The following GAREM1 variants were observed in gnomAD, a reference collection of about 807,000 sequenced individuals.
The protein encoded by GAREM1 is GRB2 associated regulator of MAPK1 subtype 1.
In GAREM1, 26 loss-of-function variants were observed where a neutral mutation model predicts 71.3. That is an observed-to-expected ratio of 0.36 (90% CI 0.27 to 0.51). The LOEUF is 0.51. Among genes scored for constraint, GAREM1 ranks in the 20% least tolerant of loss-of-function variants. GAREM1 has a pLI of 0.95. For missense variants in GAREM1, 1,026 were observed against 1,103.1 expected, an observed-to-expected ratio of 0.93 and a Z score of 0.99; for synonymous variants, 440 against 433.2, an observed-to-expected ratio of 1.02 and a Z score of -0.20.
intron 2 of GAREM1, among the ~76,000 whole-genome samples, chr18:32,340,207 T>C (rs1390650133): frequency 3.3e-5 from 5 of 152,246 alleles, no homozygotes; most frequent in Non-Finnish European, 5.9e-5. Context: ...CTGAGGGCTA[T>C]AATGATGAGC....
At chr18:32,358,356 T>C (rs1162073201) in intron 2 of GAREM1, among the ~76,000 whole-genome samples, 1 of 151,730 alleles carries the variant, frequency 6.6e-6, no homozygotes, top group Non-Finnish European at 1.5e-5. Flanking sequence ...GGGCTTCAGG[T>C]TGTCAAAAGG....
chr18:32,372,827 A>G (rs2047996296), intron 2 of GAREM1, among the ~76,000 whole-genome samples: 1 of 152,226 alleles, frequency 6.6e-6, no homozygotes, highest in African/African-American at 2.4e-5. Flanking sequence ...TGGCCCACAA[A>G]TACTTCCGGA....
At chr18:32,281,093 A>C (rs531320042) in intron 4 of GAREM1, among the ~76,000 whole-genome samples, 19 of 152,332 alleles carry the variant, frequency 1.2e-4, no homozygotes, top group Non-Finnish European at 2.8e-4. Context: ...ACAGTACAAA[A>C]ATGCAGTGAA....
chr18:32,267,791 A>C lies in GAREM1; in HGVS notation c.*80T>G, dbSNP rs756823650. The C allele has an allele frequency of 6.3e-5, 75 of 1,186,166 alleles. No individual in the cohort carries two copies. The highest frequency in any genetic ancestry group is 8.5e-5 in the Non-Finnish European group (71 of 839,296). 73.5% of individuals were successfully genotyped at this position (1,186,166 alleles called of 1,614,324 possible). A position where few individuals can be genotyped will look rare whatever the true frequency, so the allele number is the denominator to read the frequency against. On this transcript the variant is annotated 3_prime_UTR_variant, in exon 6 of 6. Transcript: ENST00000269209. ...TACAGAGAAGGTTTTTAGTGCAAAA[A>C]CATGAAATTGTGTCCCAGCCCACCC...
chr18:32,392,641 C>T (rs1248202080), intron 2 of GAREM1, among the ~76,000 whole-genome samples: 3 of 152,118 alleles, frequency 2.0e-5, no homozygotes, highest in East Asian at 3.8e-4. Context: ...AATTCCAAGA[C>T]AATAGAGGTG....
At chr18:32,372,846 C>CAGG (rs1159182966) in intron 2 of GAREM1, among the ~76,000 whole-genome samples, 1 of 152,176 alleles carries the variant, frequency 6.6e-6, no homozygotes, top group Non-Finnish European at 1.5e-5. Context: ...GAAAACAGAA[C>CAGG]AGGACATGGG....
At chr18:32,349,903 C>T (rs2047730999) in intron 2 of GAREM1, among the ~76,000 whole-genome samples, 1 of 152,144 alleles carries the variant, frequency 6.6e-6, no homozygotes, top group Admixed American at 6.5e-5. Flanking sequence ...TGCTCGAGTC[C>T]AGGGAATGTG....
intron 3 of GAREM1, among the ~76,000 whole-genome samples, chr18:32,293,508 C>T (rs2047108243): frequency 6.6e-6 from 1 of 152,134 alleles, no homozygotes; most frequent in African/African-American, 2.4e-5. Context: ...AGATGACAAA[C>T]AAGGAAGACT....
At chr18:32,454,138 C>T (rs1220686605) in intron 1 of GAREM1, among the ~76,000 whole-genome samples, 3 of 152,010 alleles carry the variant, frequency 2.0e-5, no homozygotes, top group Non-Finnish European at 4.4e-5. Context: ...TCAGGGAATA[C>T]TACTTGATTT....
In GAREM1 at chr18:32,470,377, A is replaced by C. The variant is rs776159111; in HGVS notation, c.52T>G (p.Ser18Ala). ...GCSLKDVKWS[S>A]VAVPLDLLVS... is the part of the protein sequence containing the mutation. The stretch of plus-strand genomic sequence containing the variant: ...AGGAGGTCGAGCGGCACGGCCACCG[A>C]GCTCCACTTCACATCCTTGAGGCTG... Residue 18 changes from serine to alanine, a missense_variant, in exon 1 of 6, where the codon TCG (serine) becomes GCG (alanine). This residue lies in a region of GAREM1 where 172 missense variants were observed against 175.2 expected (regional missense o/e 0.98). Transcript: ENST00000269209. This position sits in a 1 kb window ranked among gnomAD's most constrained non-coding sequence, Gnocchi z 4.4. 3.2e-6 allele frequency: 5 copies of C among 1,568,032 alleles called. No individual in the cohort carries two copies. Among genetic ancestry groups the C allele is most frequent in the East Asian group, 5.1e-5 (2 of 39,204 alleles).
At chr18:32,400,889 G>A (rs879332944) in intron 1 of GAREM1, among the ~76,000 whole-genome samples, 6 of 152,040 alleles carry the variant, frequency 3.9e-5, no homozygotes, top group East Asian at 1.9e-4. Context: ...GTTTATTGTG[G>A]CACTATTCAC....
rs1281829909 is a variant in GAREM1 at position 32,267,503 on chromosome 18, T to A, written c.*368A>T. On this transcript the variant is annotated 3_prime_UTR_variant, in exon 6 of 6. Transcript: ENST00000269209. ...AGAAGGGACTTGTTCAAAAGTGTTT[T>A]TTTTTTTTTTTTAAAGATTTTTATG... 1.4e-5 allele frequency: 2 copies of A among 141,092 alleles called. No homozygotes were observed. Among genetic ancestry groups the A allele is most frequent in the African/African-American group, 6.2e-5 (2 of 32,394 alleles). 8.7% of individuals were successfully genotyped at this position (141,092 alleles called of 1,614,324 possible). A position where few individuals can be genotyped will look rare whatever the true frequency, so the allele number is the denominator to read the frequency against.
intron 2 of GAREM1, among the ~76,000 whole-genome samples, chr18:32,363,946 G>A (rs4530209): frequency 0.38 from 40,792 of 107,730 alleles, 7,544 homozygotes; most frequent in African/African-American, 0.55. Context: ...ACATACAAAT[G>A]TATAATTATA....
intron 3 of GAREM1, among the ~76,000 whole-genome samples, chr18:32,307,364 CTT>C (rs1567957932): frequency 6.6e-6 from 1 of 152,044 alleles, no homozygotes; most frequent in East Asian, 1.9e-4. Context: ...GGTTTGAAAT[CTT>C]TCTTTTAAAA....
chr18:32,404,189 A>C (rs1231993324), intron 1 of GAREM1, among the ~76,000 whole-genome samples: 1 of 152,222 alleles, frequency 6.6e-6, no homozygotes, highest in Non-Finnish European at 1.5e-5. Context: ...CACCCTTGTG[A>C]ATTACTTAGG....
intron 2 of GAREM1, among the ~76,000 whole-genome samples, chr18:32,355,611 T>C (rs1046135147): frequency 1.8e-4 from 27 of 152,348 alleles, no homozygotes; most frequent in African/African-American, 6.5e-4. Flanking sequence ...GTAATGACAA[T>C]TAAAAATTAC....
chr18:32,354,537 A>G (rs2144597665), intron 2 of GAREM1, among the ~76,000 whole-genome samples: 1 of 152,326 alleles, frequency 6.6e-6, no homozygotes, highest in African/African-American at 2.4e-5. Flanking sequence ...AAATTTGAAC[A>G]ACACATTGAA....
chr18:32,362,368 C>T (rs920479187), intron 2 of GAREM1, among the ~76,000 whole-genome samples: 1 of 152,180 alleles, frequency 6.6e-6, no homozygotes, highest in Non-Finnish European at 1.5e-5. Context: ...GGTTAATGAT[C>T]TAATTCCTAC....
intron 1 of GAREM1, among the ~76,000 whole-genome samples, chr18:32,448,090 TG>T (rs894979037): frequency 3.3e-5 from 5 of 152,186 alleles, no homozygotes; most frequent in African/African-American, 1.2e-4. Context: ...AGGGGTTTAT[TG>T]TGGGATCTCT....
Sources: allele counts gnomAD v4.1 joint callset (sites outside exome capture counted in the v4.1 genomes callset), GRCh38; gene constraint gnomAD v4.1.1; regional missense constraint gnomAD v4.1.1; non-coding constraint Gnocchi (gnomAD v3.1); transcripts MANE v1.5; gene names NCBI Gene and HGNC (gene_info 2026-07-23, HGNC 2026-07-21).